IL10RB: variants seen among roughly 807,000 people sequenced by gnomAD.
IL10RB encodes the protein interleukin-10 receptor subunit beta.
Under a neutral mutation model 38.7 loss-of-function variants are expected in IL10RB, and 30 were observed. That is an observed-to-expected ratio of 0.78 (90% CI 0.58 to 1.05). The LOEUF is 1.05. IL10RB is among the 50% of genes least tolerant of loss of function. The pLI, the probability that IL10RB is intolerant of heterozygous loss-of-function variation, is 0.00. For missense variants in IL10RB, 328 were observed against 397.1 expected (o/e 0.83, Z 1.48); for synonymous variants, 142 against 145.9 (o/e 0.97, Z 0.19).
intron 2 of IL10RB, among the ~76,000 whole-genome samples, chr21:33,271,865 G>C (rs1989087659): frequency 6.6e-6 from 1 of 152,146 alleles, no homozygotes; most frequent in African/African-American, 2.4e-5. Flanking sequence ...GCCAAGGTAG[G>C]ATAATCATTT....
chr21:33,278,007 A>G (rs1289972761), intron 3 of IL10RB, among the ~76,000 whole-genome samples: 1 of 147,844 alleles, frequency 6.8e-6, no homozygotes, highest in Non-Finnish European at 1.5e-5. Context: ...CCTGGGCAAC[A>G]TGGTGAAACC....
chr21:33,283,322 A>C, intron 5 of IL10RB, 81 bp downstream of exon 5: 69 of 1,374,180 alleles, frequency 5.0e-5, no homozygotes, highest in Middle Eastern at 2.5e-4. Flanking sequence ...CATCCAACTC[A>C]AATTCCAGCT....
In IL10RB at chr21:33,283,189, G is replaced by A. The variant is rs760061442; in HGVS notation, c.594G>A (p.Arg198=). The A allele has an allele frequency of 6.8e-6, 11 of 1,613,986 alleles. No homozygotes were observed. The East Asian group carries it at 2.2e-4, about 33-fold the overall frequency. The part of the protein sequence containing the change: ...CVQVRGFLPD[R]NKAGEWSEPV... ...AAGTTCGAGGGTTTCTTCCTGATCG[G>A]AACAAAGCTGGGGAATGGAGTGAGC... The change falls in exon 5 of 7, where the codon CGG becomes CGA. Residue 198 remains arginine, a synonymous_variant. Transcript: ENST00000290200.
intron 2 of IL10RB, among the ~76,000 whole-genome samples, chr21:33,276,060 C>A (rs960036532): frequency 3.3e-5 from 5 of 152,216 alleles, no homozygotes; most frequent in African/African-American, 1.2e-4. Flanking sequence ...AATAGACTTG[C>A]TCAATGCAGG....
intron 1 of IL10RB, among the ~76,000 whole-genome samples, chr21:33,304,480 C>G (rs1323357949): frequency 6.6e-6 from 1 of 152,202 alleles, no homozygotes; most frequent in Non-Finnish European, 1.5e-5. Context: ...AGATTACACA[C>G]CGTCCCTCAA....
chr21:33,297,488 G>A (rs1350313927), downstream of IL10RB, among the ~76,000 whole-genome samples: 2 of 151,890 alleles, frequency 1.3e-5, no homozygotes, highest in Non-Finnish European at 2.9e-5. Context: ...AAAGCCAGGG[G>A]ACAGGCTTAA....
At chr21:33,273,393 C>T (rs1444715093) in intron 2 of IL10RB, among the ~76,000 whole-genome samples, 1 of 151,996 alleles carries the variant, frequency 6.6e-6, no homozygotes, top group African/African-American at 2.4e-5. Flanking sequence ...AGCGTTATGT[C>T]TAAAAAAATG....
chr21:33,269,937 C>T (rs1373412539), intron 2 of IL10RB, among the ~76,000 whole-genome samples: 2 of 152,208 alleles, frequency 1.3e-5, no homozygotes, highest in Non-Finnish European at 2.9e-5. Context: ...GGATTACAGG[C>T]GTGAGCCACC....
intron 2 of IL10RB, among the ~76,000 whole-genome samples, chr21:33,272,375 CA>C (rs1480111294): frequency 6.6e-6 from 1 of 152,158 alleles, no homozygotes; most frequent in Non-Finnish European, 1.5e-5. Context: ...TTGGTTTTGG[CA>C]CCAGAAGATG....
chr21:33,295,148 G>A (rs756831259), intron 6 of IL10RB, among the ~76,000 whole-genome samples: 8 of 151,788 alleles, frequency 5.3e-5, no homozygotes, highest in African/African-American at 7.3e-5. Context: ...GGCAGATCAC[G>A]AGGTCAGGAG....
At chr21:33,277,283 C>G (rs762226488) in intron 3 of IL10RB, among the ~76,000 whole-genome samples, 37 of 149,932 alleles carry the variant, frequency 2.5e-4, no homozygotes, top group South Asian at 4.2e-4. Flanking sequence ...TGCAGTGAGC[C>G]GAGATCACGC....
rs1024353210 is a variant in IL10RB at position 33,290,405 on chromosome 21, C to A, written c.804+2144C>A. 3.3e-5 allele frequency among the ~76,000 whole-genome samples: 5 copies of A among 152,116 alleles called. 1 individual carries two copies. Among genetic ancestry groups the A allele is most frequent in the Admixed American group, 3.3e-4 (5 of 15,284 alleles). On this transcript the variant is annotated intron_variant, in intron 6 of 6. Coordinates refer to ENST00000290200, the MANE Select transcript of IL10RB (RefSeq NM_000628.5). ...ACTTAAATATAATCATTTAAAAATCCGAAAGCCATGTGAAAAAACAAGTGG... is the reference window on the plus strand; with the variant it reads ...ACTTAAATATAATCATTTAAAAATCAGAAAGCCATGTGAAAAAACAAGTGG...
In IL10RB at chr21:33,296,873, GGGA is replaced by G. The variant is rs1037693917; in HGVS notation, c.*531_*533del. 2.4e-4 allele frequency: 61 copies of G among 252,136 alleles called. No individual in the cohort carries two copies. Among genetic ancestry groups the G allele is most frequent in the East Asian group, 7.4e-4 (7 of 9,400 alleles). The allele number at this position is 252,136 out of a possible 1,614,324, so 15.6% of individuals were successfully genotyped here. A position where few individuals can be genotyped will look rare whatever the true frequency, so the allele number is the denominator to read the frequency against. On this transcript the variant is annotated 3_prime_UTR_variant, in exon 7 of 7. Transcript: ENST00000290200. The stretch of plus-strand genomic sequence containing the variant: ...TGAGGCAGGAGAATTGCATGAACCC[GGGA>G]GGAGGAGGAGGAGGTTGCAGTGAGC...
chr21:33,290,547 G>A (rs1317459676), intron 6 of IL10RB, among the ~76,000 whole-genome samples: 2 of 152,156 alleles, frequency 1.3e-5, no homozygotes, highest in African/African-American at 2.4e-5. Context: ...GCATGATGAG[G>A]GTGAACAGGG....
chr21:33,268,327 G>A (rs752682458), intron 1 of IL10RB, 67 bp from the exon 2 acceptor site: 9 of 1,610,266 alleles, frequency 5.6e-6, no homozygotes, highest in Admixed American at 1.7e-5. Context: ...AGTGCTGGAT[G>A]TGGGCTTTTT....
At chr21:33,274,722 T>C (rs898573584) in intron 2 of IL10RB, among the ~76,000 whole-genome samples, 1 of 152,202 alleles carries the variant, frequency 6.6e-6, no homozygotes, top group Admixed American at 6.5e-5. Flanking sequence ...TGTAAACAGA[T>C]GTGCCGTCCT....
At chr21:33,277,721 A>T (rs1303875781) in intron 3 of IL10RB, among the ~76,000 whole-genome samples, 1 of 133,180 alleles carries the variant, frequency 7.5e-6, no homozygotes, top group Non-Finnish European at 1.5e-5. Flanking sequence ...ACCCAGGCTG[A>T]AGTGCAGTGG....
At chr21:33,289,098 T>C (rs1989433889) in intron 6 of IL10RB, among the ~76,000 whole-genome samples, 1 of 152,138 alleles carries the variant, frequency 6.6e-6, no homozygotes, top group Non-Finnish European at 1.5e-5. Flanking sequence ...TTTAGAGATG[T>C]CCTAAGCTGA....
intron 6 of IL10RB, among the ~76,000 whole-genome samples, chr21:33,293,843 C>G (rs540605648): frequency 3.3e-5 from 5 of 151,084 alleles, no homozygotes; most frequent in African/African-American, 1.2e-4. Context: ...ACTGCAGCAC[C>G]AGCATGAACT....
Sources: gnomAD v4.1 joint callset for allele counts (sites outside exome capture counted in the v4.1 genomes callset) on GRCh38, gnomAD v4.1.1 for gene constraint, MANE v1.5 for transcripts, NCBI Gene and HGNC (gene_info 2026-07-23, HGNC 2026-07-21) for gene names.